The following PLXNA4 variants were observed in gnomAD, a reference collection of about 807,000 sequenced individuals.
The protein encoded by PLXNA4 is plexin A4.
In PLXNA4, 44 loss-of-function variants were observed where a neutral mutation model predicts 191.8. The ratio of observed to expected loss-of-function variants is 0.23; its 90% CI spans 0.18 to 0.29. The LOEUF is 0.29. Among genes scored for constraint, PLXNA4 ranks in the 10% least tolerant of loss-of-function variants. The probability of loss-of-function intolerance (pLI) is 1.00; values close to 1 mark genes in which losing one functional copy is unlikely to be tolerated. For synonymous variants in PLXNA4, 1,082 were observed against 1,009.5 expected (o/e 1.07, Z -1.36); for missense variants, 1,800 against 2,488.8 (o/e 0.72, Z 5.89).
chr7:132,479,738 C>T (rs1182465718), intron 3 of PLXNA4, among the ~76,000 whole-genome samples: 3 of 152,196 alleles, frequency 2.0e-5, no homozygotes, highest in Non-Finnish European at 4.4e-5. Flanking sequence ...CAACCTCTGC[C>T]TCCTGGGTTC....
intron 4 of PLXNA4, among the ~76,000 whole-genome samples, chr7:132,268,449 T>G (rs543819221): frequency 1.3e-5 from 2 of 152,314 alleles, no homozygotes; most frequent in South Asian, 4.1e-4. Flanking sequence ...TATTTTACCC[T>G]CATCCAGTTT....
rs78672790 is a variant in PLXNA4, at chr7:132,417,432, G to A, written c.1371+71860C>T. On this transcript the variant is annotated intron_variant, in intron 3 of 31. Coordinates refer to ENST00000321063, the MANE Select transcript of PLXNA4 (RefSeq NM_020911.2). ...CTACATATTCAGTCACTTAAATGAC[G>A]CAATTGTTTTGAGACTCAGTGAAAA... Among the ~76,000 whole-genome samples the A allele has an allele frequency of 8.2e-3, 1,244 of 152,192 alleles. 15 individuals carry two copies. Among genetic ancestry groups the A allele is most frequent in the African/African-American group, 0.028 (1,168 of 41,522 alleles).
In PLXNA4 at chr7:132,453,688, C is replaced by T. The variant is rs553609998; in HGVS notation, c.1371+35604G>A. Reference sequence around the variant, plus strand: ...TCCCGAGTAGCTGGGATTACAGGCACGTGCCACCATGCCCAGCTAATTTTT... The same window carrying T: ...TCCCGAGTAGCTGGGATTACAGGCATGTGCCACCATGCCCAGCTAATTTTT... On this transcript the variant is annotated intron_variant, in intron 3 of 31. Coordinates refer to ENST00000321063, the MANE Select transcript of PLXNA4 (RefSeq NM_020911.2). Among the ~76,000 whole-genome samples the T allele has an allele frequency of 2.0e-3, 309 of 152,178 alleles. 3 individuals are homozygous for T. The highest frequency in any genetic ancestry group is 7.2e-3 in the African/African-American group (299 of 41,514).
At chr7:132,623,263 T>A (rs1803306161) in intron 2 of PLXNA4, among the ~76,000 whole-genome samples, 1 of 151,694 alleles carries the variant, frequency 6.6e-6, no homozygotes, top group African/African-American at 2.4e-5. Flanking sequence ...GGAGAGTCAC[T>A]TGAACCCAGG....
At chr7:132,553,343 C>G (rs1018102048) in intron 1 of PLXNA4, among the ~76,000 whole-genome samples, 2 of 152,138 alleles carry the variant, frequency 1.3e-5, no homozygotes, top group Non-Finnish European at 2.9e-5. Flanking sequence ...TGGTATTTTG[C>G]CCCCAGGAGG....
intron 1 of PLXNA4, among the ~76,000 whole-genome samples, chr7:132,516,831 G>A (rs1798961142): frequency 1.3e-5 from 2 of 152,218 alleles, no homozygotes; most frequent in South Asian, 2.1e-4. Flanking sequence ...GCACATGCCT[G>A]TAGTCCCAGC....
At chr7:132,313,826 C>T (rs1463677293) in intron 3 of PLXNA4, among the ~76,000 whole-genome samples, 2 of 152,080 alleles carry the variant, frequency 1.3e-5, no homozygotes, top group Admixed American at 6.5e-5. Context: ...AGACGACCAC[C>T]ATGGCAGGCT....
At chr7:132,211,276 C>A in intron 9 of PLXNA4, 133 bp from the exon 10 acceptor site, 1 of 881,316 alleles carries the variant, frequency 1.1e-6, no homozygotes, top group Non-Finnish European at 1.7e-6. Context: ...CTGAGGTGCT[C>A]GTGCCCACCC....
chr7:132,214,644 T>C (rs1797908789), intron 9 of PLXNA4, among the ~76,000 whole-genome samples: 1 of 152,028 alleles, frequency 6.6e-6, no homozygotes, highest in Non-Finnish European at 1.5e-5. Flanking sequence ...CAGGGCAACT[T>C]CGGATAAACT....
intron 3 of PLXNA4, among the ~76,000 whole-genome samples, chr7:132,378,732 T>C (rs1804763739): frequency 6.6e-6 from 1 of 152,166 alleles, no homozygotes; most frequent in Non-Finnish European, 1.5e-5. Context: ...TCTGATATTC[T>C]TTGAGCTGCT....
chr7:132,615,768 C>T (rs1186865652), intron 2 of PLXNA4, among the ~76,000 whole-genome samples: 1 of 152,120 alleles, frequency 6.6e-6, no homozygotes, highest in Non-Finnish European at 1.5e-5. Flanking sequence ...CTTTCAGCAA[C>T]GTGCACGTGG....
intron 1 of PLXNA4, among the ~76,000 whole-genome samples, chr7:132,518,890 A>C (rs1799053487): frequency 6.6e-6 from 1 of 151,718 alleles, no homozygotes; most frequent in Non-Finnish European, 1.5e-5. Flanking sequence ...GTGTTCCCTC[A>C]GGGTACAAAA....
rs535185422 is a variant in PLXNA4, at chr7:132,306,136, A to G, written c.1372-7914T>C. On this transcript the variant is annotated intron_variant, in intron 3 of 31. Transcript: ENST00000321063. ...GAGGTCAGGCCTTGCTCACAGGGCC[A>G]GAGGTGGAGGGGCTTGTGCGGAGGC... Among the ~76,000 whole-genome samples the G allele has an allele frequency of 2.1e-4, 32 of 152,304 alleles. No homozygotes were observed. In the South Asian group the frequency reaches 6.0e-3, roughly 29 times the overall value.
intron 3 of PLXNA4, among the ~76,000 whole-genome samples, chr7:132,310,413 C>T (rs1239824977): frequency 1.3e-5 from 2 of 152,200 alleles, no homozygotes; most frequent in African/African-American, 4.8e-5. Context: ...GCTCTGGGAA[C>T]ACCAGTTGCT....
At chr7:132,249,489 T>A (rs1448353906) in intron 4 of PLXNA4, among the ~76,000 whole-genome samples, 2 of 152,202 alleles carry the variant, frequency 1.3e-5, no homozygotes, top group Non-Finnish European at 2.9e-5. Context: ...CAGCGTGCTT[T>A]CTGCAGAGCG....
chr7:132,623,582 C>G (rs138555871), intron 2 of PLXNA4, among the ~76,000 whole-genome samples: 1 of 152,222 alleles, frequency 6.6e-6, no homozygotes, highest in East Asian at 1.9e-4. Context: ...CAGCAGTTTT[C>G]AAACAATCAA....
chr7:132,382,164 A>G (rs1029795097), intron 3 of PLXNA4, among the ~76,000 whole-genome samples: 2 of 152,182 alleles, frequency 1.3e-5, no homozygotes, highest in Non-Finnish European at 1.5e-5. Context: ...GTCCTCTTGG[A>G]CAAAGCACAC....
intron 3 of PLXNA4, among the ~76,000 whole-genome samples, chr7:132,425,446 G>A (rs1298717231): frequency 1.3e-5 from 2 of 152,118 alleles, no homozygotes; most frequent in African/African-American, 4.8e-5. Flanking sequence ...GCTGAATGAC[G>A]TCCTTAGGCC....
At chr7:132,442,843 C>T (rs1400271796) in intron 3 of PLXNA4, among the ~76,000 whole-genome samples, 5 of 152,222 alleles carry the variant, frequency 3.3e-5, no homozygotes, top group Admixed American at 3.3e-4. Flanking sequence ...ATCTAGCAGA[C>T]TTAAAGGGAT....
Sources: gnomAD v4.1 joint callset for allele counts (sites outside exome capture counted in the v4.1 genomes callset) on GRCh38, gnomAD v4.1.1 for gene constraint, MANE v1.5 for transcripts, NCBI Gene and HGNC (gene_info 2026-07-23, HGNC 2026-07-21) for gene names.